THSD4: variants seen among roughly 807,000 people sequenced by gnomAD.
The protein encoded by THSD4 is thrombospondin type 1 domain containing 4.
In THSD4, 69 loss-of-function variants were observed where a neutral mutation model predicts 119.0. That is an observed-to-expected ratio of 0.58 (90% CI 0.48 to 0.71). The LOEUF is 0.71. THSD4 is among the 30% of genes least tolerant of loss of function. The probability of loss-of-function intolerance (pLI) is 0.00; values close to 1 mark genes in which losing one functional copy is unlikely to be tolerated. For missense variants in THSD4, 1,393 were observed against 1,391.1 expected (o/e 1.00, Z -0.02); for synonymous variants, 524 against 540.4 (o/e 0.97, Z 0.42).
At chr15:71,311,034 C>A (rs547841074) in intron 6 of THSD4, among the ~76,000 whole-genome samples, 32 of 152,302 alleles carry the variant, frequency 2.1e-4, no homozygotes, top group African/African-American at 7.5e-4. Context: ...TTAAACATGA[C>A]AGAAGTGGAT....
intron 7 of THSD4, among the ~76,000 whole-genome samples, chr15:71,572,394 A>G (rs1226352559): frequency 6.6e-6 from 1 of 152,166 alleles, no homozygotes; most frequent in Non-Finnish European, 1.5e-5. Context: ...TTTTTACTTC[A>G]AACTCACCTG....
intron 3 of THSD4, among the ~76,000 whole-genome samples, chr15:71,168,694 T>C (rs531409243): frequency 1.2e-4 from 18 of 152,308 alleles, no homozygotes; most frequent in Non-Finnish European, 2.5e-4. Flanking sequence ...TTACAGGCAC[T>C]ATTAATGCGG....
chr15:71,344,287 C>A (rs1017922611), intron 6 of THSD4, among the ~76,000 whole-genome samples: 1 of 152,002 alleles, frequency 6.6e-6, no homozygotes, highest in Non-Finnish European at 1.5e-5. Context: ...TCGTGATCCA[C>A]CCGCCTCGGC....
chr15:71,597,577 G>A (rs149502727), intron 7 of THSD4, among the ~76,000 whole-genome samples: 30 of 152,276 alleles, frequency 2.0e-4, no homozygotes, highest in African/African-American at 6.7e-4. Context: ...ACCAAAAATC[G>A]TGTATACAAA....
At chr15:71,111,410 T>A (rs1425666517), upstream of THSD4, 1 of 1,609,354 alleles carries the variant, frequency 6.2e-7, no homozygotes, top group African/African-American at 1.3e-5. Flanking sequence ...AGACTGTAGG[T>A]CAGCATTCCA....
chr15:71,142,000 G>A (rs537625972), intron 2 of THSD4, among the ~76,000 whole-genome samples: 1 of 152,288 alleles, frequency 6.6e-6, no homozygotes, highest in Non-Finnish European at 1.5e-5. Flanking sequence ...CTATTGGAGA[G>A]GCTGAGGCGG....
At chr15:71,475,039 C>A (rs537061898) in intron 7 of THSD4, among the ~76,000 whole-genome samples, 2 of 152,334 alleles carry the variant, frequency 1.3e-5, no homozygotes, top group African/African-American at 2.4e-5. Context: ...AGGGTAGAGT[C>A]CAGCAGTCTG....
intron 7 of THSD4, among the ~76,000 whole-genome samples, chr15:71,442,671 T>TAC (rs2047124582): frequency 1.1e-5 from 1 of 94,548 alleles, no homozygotes; most frequent in African/African-American, 3.8e-5. Context: ...TATATATATA[T>TAC]ATATATATAT....
At chr15:71,141,011 C>T (rs1436944908) in intron 1 of THSD4, among the ~76,000 whole-genome samples, 3 of 152,228 alleles carry the variant, frequency 2.0e-5, no homozygotes, top group Non-Finnish European at 4.4e-5. Context: ...GGTTCATCCC[C>T]ATTGTAGCGT....
chr15:71,731,700 C>G (rs568871638), intron 10 of THSD4: 74 of 173,476 alleles, frequency 4.3e-4, no homozygotes, highest in African/African-American at 1.7e-3. Context: ...GGAGAATCAT[C>G]TGAGCCCAAG....
chr15:71,723,755 C>G (rs1595890939), intron 8 of THSD4, among the ~76,000 whole-genome samples: 1 of 152,188 alleles, frequency 6.6e-6, no homozygotes, highest in East Asian at 1.9e-4. Context: ...GAAGACTGCC[C>G]TGGAGAAATT....
intron 3 of THSD4, among the ~76,000 whole-genome samples, chr15:71,182,042 G>C (rs1021464810): frequency 1.3e-5 from 2 of 152,222 alleles, no homozygotes; most frequent in Admixed American, 1.3e-4. Flanking sequence ...GATAACTGGG[G>C]CTACCAGCCC....
intron 7 of THSD4, among the ~76,000 whole-genome samples, chr15:71,480,474 A>G (rs776930128): frequency 2.6e-5 from 4 of 152,180 alleles, no homozygotes; most frequent in Non-Finnish European, 5.9e-5. Flanking sequence ...TTTAAGTTGT[A>G]TATCTGTTAA....
At chr15:71,315,203 A>G (rs1246935696) in intron 6 of THSD4, among the ~76,000 whole-genome samples, 1 of 152,078 alleles carries the variant, frequency 6.6e-6, no homozygotes, top group Non-Finnish European at 1.5e-5. Flanking sequence ...ATCTCTCCTC[A>G]TCTCTGGCTG....
At chr15:71,459,447 C>A (rs1009991741) in intron 7 of THSD4, among the ~76,000 whole-genome samples, 1 of 151,282 alleles carries the variant, frequency 6.6e-6, no homozygotes, top group African/African-American at 2.4e-5. Flanking sequence ...CTGAGCTGGT[C>A]ACCCAGCAAA....
At chr15:71,111,828 G>C (rs1230621401), upstream of THSD4, 5 of 528,390 alleles carry the variant, frequency 9.5e-6, no homozygotes, top group Admixed American at 3.7e-5. Context: ...CACGAGGTTT[G>C]TAAGAGCTGA....
chr15:71,414,777 C>A (rs776259395), intron 7 of THSD4, among the ~76,000 whole-genome samples: 1 of 152,134 alleles, frequency 6.6e-6, no homozygotes, highest in Non-Finnish European at 1.5e-5. Context: ...ATAATAATTG[C>A]TAAAAGCCTG....
chr15:71,267,185 A>G (rs1054215590), intron 6 of THSD4, among the ~76,000 whole-genome samples: 4 of 152,240 alleles, frequency 2.6e-5, no homozygotes, highest in African/African-American at 9.6e-5. Flanking sequence ...GTTGAAATGA[A>G]GGAAAAAATG....
chr15:71,222,037 T>G (rs1366192333), intron 4 of THSD4, among the ~76,000 whole-genome samples: 14 of 152,198 alleles, frequency 9.2e-5, no homozygotes, highest in Non-Finnish European at 2.1e-4. Context: ...GCTGTTTATG[T>G]ATCTTCTTTG....
Sources: allele counts gnomAD v4.1 joint callset (sites outside exome capture counted in the v4.1 genomes callset), GRCh38; gene constraint gnomAD v4.1.1; transcripts MANE v1.5; gene names NCBI Gene and HGNC (gene_info 2026-07-23, HGNC 2026-07-21).